Variants in KCNU1 observed in about 807,000 individuals in gnomAD.
KCNU1 encodes potassium calcium-activated channel subfamily U member 1.
In KCNU1, 93 loss-of-function variants were observed where a neutral mutation model predicts 126.8. The observed-to-expected ratio is 0.73, with a 90% CI of 0.62 to 0.87. The LOEUF (loss-of-function observed/expected upper bound fraction) is 0.87, where lower values mean the gene tolerates loss of function less well. Among genes scored for constraint, KCNU1 ranks in the 40% least tolerant of loss-of-function variants. The pLI, the probability that KCNU1 is intolerant of heterozygous loss-of-function variation, is 0.00. For missense variants in KCNU1, 1,330 were observed against 1,367.1 expected (o/e 0.97, Z 0.43); for synonymous variants, 523 against 494.2 (o/e 1.06, Z -0.77).
intron 4 of KCNU1, 39 bp downstream of exon 4, chr8:36,805,324 C>A: frequency 1.7e-6 from 2 of 1,204,936 alleles, no homozygotes; most frequent in Non-Finnish European, 2.4e-6. Flanking sequence ...TATCCAAACA[C>A]CACAGGCACA....
chr8:36,874,637 A>T (rs1806216126), intron 19 of KCNU1, among the ~76,000 whole-genome samples: 1 of 152,140 alleles, frequency 6.6e-6, no homozygotes, highest in African/African-American at 2.4e-5. Flanking sequence ...GGACACAACC[A>T]TTATTGTCCT....
At chr8:36,840,875 T>C (rs762598458) in intron 15 of KCNU1, 57 bp from the exon 16 acceptor site, 2 of 1,166,330 alleles carry the variant, frequency 1.7e-6, no homozygotes, top group Non-Finnish European at 2.6e-6. Flanking sequence ...GAGTGTTAGT[T>C]ATTTTGTTGT....
chr8:36,828,716 G>A (rs894479203), intron 10 of KCNU1, among the ~76,000 whole-genome samples: 2 of 152,018 alleles, frequency 1.3e-5, no homozygotes, highest in Non-Finnish European at 2.9e-5. Context: ...GCTTGTATAT[G>A]GCTCCTGGTG....
intron 18 of KCNU1, among the ~76,000 whole-genome samples, chr8:36,848,189 A>G (rs1585454676): frequency 2.0e-5 from 3 of 152,112 alleles, no homozygotes; most frequent in Non-Finnish European, 2.9e-5. Context: ...TATATTCTGG[A>G]TATTAGTCGC....
chr8:36,852,401 CCCT>C (rs1805382491), intron 18 of KCNU1, among the ~76,000 whole-genome samples: 1 of 151,992 alleles, frequency 6.6e-6, no homozygotes, highest in Non-Finnish European at 1.5e-5. Flanking sequence ...ATTGGAAATT[CCCT>C]CTTCTTTTAT....
At chr8:36,898,763 T>C (rs775752451) in intron 19 of KCNU1, among the ~76,000 whole-genome samples, 2 of 152,050 alleles carry the variant, frequency 1.3e-5, no homozygotes, top group Non-Finnish European at 2.9e-5. Flanking sequence ...ACACTTACTA[T>C]GCAAGTTGAT....
intron 18 of KCNU1, among the ~76,000 whole-genome samples, chr8:36,851,618 G>C (rs1013201828): frequency 6.6e-6 from 1 of 152,072 alleles, no homozygotes; most frequent in Admixed American, 6.6e-5. Context: ...TATCTACTTA[G>C]ATCCTCTTTA....
intron 19 of KCNU1, among the ~76,000 whole-genome samples, chr8:36,887,449 T>A (rs1242170003): frequency 6.7e-6 from 1 of 150,282 alleles, no homozygotes; most frequent in Non-Finnish European, 1.5e-5. Flanking sequence ...TTTGTTTTTT[T>A]TTGTTTTTTT....
chr8:36,884,203 C>A (rs905195710), intron 19 of KCNU1, among the ~76,000 whole-genome samples: 11 of 152,120 alleles, frequency 7.2e-5, no homozygotes, highest in Admixed American at 2.0e-4. Flanking sequence ...TTGCTGGGAA[C>A]TTGTGCAAAC....
chr8:36,805,375 C>G, intron 4 of KCNU1, 90 bp downstream of exon 4: 1 of 791,700 alleles, frequency 1.3e-6, no homozygotes, highest in African/African-American at 1.7e-5. Context: ...TACAATCTGC[C>G]CGAGTTTTCA....
chr8:36,822,603 C>G (rs1804170934), intron 10 of KCNU1, among the ~76,000 whole-genome samples: 1 of 152,158 alleles, frequency 6.6e-6, no homozygotes, highest in African/African-American at 2.4e-5. Flanking sequence ...CAGTATCTAA[C>G]ATATTACTCT....
At chr8:36,860,919 T>G (rs1434643828) in intron 18 of KCNU1, among the ~76,000 whole-genome samples, 2 of 152,034 alleles carry the variant, frequency 1.3e-5, no homozygotes, top group Non-Finnish European at 2.9e-5. Flanking sequence ...CACTTTTTTT[T>G]TTTTTTATAA....
rs577762714 is a variant in KCNU1, at chr8:36,824,468, A to G, written c.1106+6708A>G. Among the ~76,000 whole-genome samples the G allele has an allele frequency of 4.1e-4, 62 of 152,326 alleles. 1 individual carries two copies. Among genetic ancestry groups the G allele is most frequent in the African/African-American group, 1.5e-3 (62 of 41,576 alleles). ...TTATAAATTAAATGTTATTATAGGC[A>G]TGTATATATAGGAAAAATGGTACTG... is the stretch of plus-strand genomic sequence containing the variant. On this transcript the variant is annotated intron_variant, in intron 10 of 26. Transcript: ENST00000399881.
intron 19 of KCNU1, among the ~76,000 whole-genome samples, chr8:36,897,465 T>G (rs1807243412): frequency 6.6e-6 from 1 of 152,010 alleles, no homozygotes; most frequent in Non-Finnish European, 1.5e-5. Flanking sequence ...ATGCAACAGG[T>G]CTTAGCTTCA....
intron 19 of KCNU1, among the ~76,000 whole-genome samples, chr8:36,901,763 G>C (rs984935712): frequency 6.6e-6 from 1 of 151,984 alleles, no homozygotes; most frequent in Admixed American, 6.6e-5. Context: ...TGTGACCAGG[G>C]AACCAACCCC....
At chr8:36,886,609 G>A (rs958897572) in intron 19 of KCNU1, among the ~76,000 whole-genome samples, 3 of 152,152 alleles carry the variant, frequency 2.0e-5, no homozygotes, top group Non-Finnish European at 2.9e-5. Context: ...GGATATGCAT[G>A]CAACATAAGA....
chr8:36,797,866 T>C (rs561735685), intron 2 of KCNU1, among the ~76,000 whole-genome samples: 20 of 152,338 alleles, frequency 1.3e-4, no homozygotes, highest in African/African-American at 4.6e-4. Context: ...TAAGCTATTG[T>C]CTAGCAGCTC....
At position 36,918,946 on chromosome 8, in the gene KCNU1, T is replaced by C. The variant is rs559422834; in HGVS notation, c.2596+49T>C. 2.6e-4 allele frequency: 305 copies of C among 1,158,272 alleles called. 1 individual carries two copies. The South Asian group carries it at 3.1e-3, about 12-fold the overall frequency. 71.7% of individuals were successfully genotyped at this position (1,158,272 alleles called of 1,614,324 possible). ...ATTCAATGGAGAAATTTTTGTGATA[T>C]ATAATTTATGTTCCAAGGATCTTTT... is the stretch of plus-strand genomic sequence containing the variant. On this transcript the variant is annotated intron_variant, in intron 23 of 26. Coordinates refer to ENST00000399881, the MANE Select transcript of KCNU1 (RefSeq NM_001031836.3).
intron 8 of KCNU1, 83 bp from the exon 9 acceptor site, chr8:36,815,513 C>T (rs1475561967): frequency 1.5e-6 from 1 of 652,718 alleles, no homozygotes; most frequent in African/African-American, 1.9e-5. Context: ...TATGTACCCT[C>T]CTTTTCCTTT....
Sources: gnomAD v4.1 joint callset for allele counts (sites outside exome capture counted in the v4.1 genomes callset) on GRCh38, gnomAD v4.1.1 for gene constraint, MANE v1.5 for transcripts, NCBI Gene and HGNC (gene_info 2026-07-23, HGNC 2026-07-21) for gene names.